The following TNIP1 variants were observed in gnomAD, a reference collection of about 807,000 sequenced individuals.
TNIP1 encodes TNFAIP3-interacting protein 1.
TNIP1 carries 22 observed loss-of-function variants against 86.6 expected under a neutral mutation model. The ratio of observed to expected loss-of-function variants is 0.25; its 90% CI spans 0.18 to 0.36. The LOEUF (loss-of-function observed/expected upper bound fraction) is 0.36, where lower values mean the gene tolerates loss of function less well. Among genes scored for constraint, TNIP1 ranks in the 10% least tolerant of loss-of-function variants. TNIP1 has a pLI of 1.00. For missense variants in TNIP1, 709 were observed against 820.6 expected, an observed-to-expected ratio of 0.86 and a Z score of 1.66; for synonymous variants, 294 against 313.0, an observed-to-expected ratio of 0.94 and a Z score of 0.64.
At chr5:151,038,426 A>AC (rs3840312) in intron 12 of TNIP1, among the ~76,000 whole-genome samples, 48,707 of 152,066 alleles carry the variant, frequency 0.32, 9,360 homozygotes, top group Non-Finnish European at 0.42. Flanking sequence ...AGCCGTTCCC[A>AC]CCAGGGCTCG....
chr5:151,079,277 C>A (rs1410476786), intron 1 of TNIP1, among the ~76,000 whole-genome samples: 1 of 152,144 alleles, frequency 6.6e-6, no homozygotes, highest in East Asian at 1.9e-4. Flanking sequence ...TTGGGAAAGC[C>A]TTAACCTTCT....
upstream of TNIP1, among the ~76,000 whole-genome samples, chr5:151,082,355 T>G (rs1265774588): frequency 6.6e-6 from 1 of 152,164 alleles, no homozygotes; most frequent in Non-Finnish European, 1.5e-5. Context: ...GAGGAAGCGA[T>G]GCAAACTCCA....
chr5:151,087,484 A>G (rs533561502), upstream of TNIP1: 1 of 152,276 alleles, frequency 6.6e-6, no homozygotes, highest in Non-Finnish European at 1.5e-5. Context: ...ATTGTCCTGA[A>G]GACCTCCATT....
At chr5:151,052,925 C>G (rs896393519) in intron 6 of TNIP1, among the ~76,000 whole-genome samples, 1 of 151,948 alleles carries the variant, frequency 6.6e-6, no homozygotes, top group Non-Finnish European at 1.5e-5. Context: ...AATGAGCAGG[C>G]GAGTCCTAGG....
At chr5:151,068,969 CGGGGCCTCCACAGCCTGCCCCAGAG>C in intron 1 of TNIP1, among the ~76,000 whole-genome samples, 1 of 152,238 alleles carries the variant, frequency 6.6e-6, no homozygotes, top group Non-Finnish European at 1.5e-5. Context: ...CCTCAGCCAG[CGGGGCCTCCACAGCCTGCCCCAGAG>C]GGGCCCTGGG....
intron 5 of TNIP1, among the ~76,000 whole-genome samples, chr5:151,058,232 C>T (rs758127861): frequency 2.0e-5 from 3 of 152,186 alleles, no homozygotes; most frequent in Non-Finnish European, 2.9e-5. Flanking sequence ...ACACATGTGT[C>T]TTCTGGGGAA....
chr5:151,059,088 G>A (rs949221330), intron 5 of TNIP1, among the ~76,000 whole-genome samples: 4 of 152,222 alleles, frequency 2.6e-5, no homozygotes, highest in Non-Finnish European at 5.9e-5. Context: ...TCCCATGCCT[G>A]CGACTTCTCC....
chr5:151,060,309 T>C lies in TNIP1; in HGVS notation c.435+9A>G, dbSNP rs1561515192. 6.2e-7 allele frequency: 1 copy of C among 1,613,944 alleles called. No homozygotes were observed. The highest frequency in any genetic ancestry group is 1.3e-5 in the African/African-American group (1 of 75,026). On this transcript the variant is annotated intron_variant, in intron 5 of 17. Coordinates refer to ENST00000521591, the MANE Select transcript of TNIP1 (RefSeq NM_006058.5). ...CAGGTCAAGCCCGGGGTCCTGCCCG[T>C]CCACTCACCATCGCATTGGCATGGC...
upstream of TNIP1, among the ~76,000 whole-genome samples, chr5:151,083,725 T>G (rs1764169034): frequency 6.6e-6 from 1 of 152,204 alleles, no homozygotes; most frequent in African/African-American, 2.4e-5. Flanking sequence ...CCACCACCCC[T>G]ACTGAGGTAG....
intron 5 of TNIP1, among the ~76,000 whole-genome samples, chr5:151,059,834 T>A (rs1448494945): frequency 0.024 from 1,835 of 76,964 alleles, 13 homozygotes; most frequent in African/African-American, 0.074. Flanking sequence ...AGAGAGTGTG[T>A]GTGTGTGTGT....
At chr5:151,076,769 G>A (rs112863357) in intron 1 of TNIP1, among the ~76,000 whole-genome samples, 44 of 152,316 alleles carry the variant, frequency 2.9e-4, no homozygotes, top group African/African-American at 1.0e-3. Context: ...GAATAACACT[G>A]GAAGGGGCTG....
Position 151,063,601 on chromosome 5 carries a change from C to T in TNIP1, c.271+12G>A, listed in dbSNP as rs774784061. 6.2e-7 allele frequency: 1 copy of T among 1,613,168 alleles called. No homozygotes were observed. Among genetic ancestry groups the T allele is most frequent in the African/African-American group, 1.3e-5 (1 of 74,982 alleles). On this transcript the variant is annotated intron_variant, in intron 3 of 17. Transcript: ENST00000521591. ...ACAGGGAGAGTCAGAGGTACCCAGA[C>T]TCCTCTTATACCTGTGAGCTCAGCC...
Position 151,038,125 on chromosome 5 carries a change from G to A in TNIP1, c.1263+972C>T, listed in dbSNP as rs550669107. 7.2e-5 allele frequency among the ~76,000 whole-genome samples: 11 copies of A among 152,238 alleles called. 1 individual carries two copies. Among genetic ancestry groups the A allele is most frequent in the African/African-American group, 2.2e-4 (9 of 41,540 alleles). ...AGTCCCCCAGCTCAGGACAGATCGC[G>A]TTTCTTTCTCTGGAAACAGGTCAAG... is the stretch of plus-strand genomic sequence containing the variant. On this transcript the variant is annotated intron_variant, in intron 12 of 17. Transcript: ENST00000521591.
intron 1 of TNIP1, among the ~76,000 whole-genome samples, chr5:151,071,645 G>A (rs905327226): frequency 1.3e-5 from 2 of 152,026 alleles, no homozygotes; most frequent in African/African-American, 4.8e-5. Flanking sequence ...CTCCCCGAGG[G>A]CAGTCAGAGA....
Position 151,042,433 on chromosome 5 carries a change from C to T in TNIP1, c.1134+107G>A, listed in dbSNP as rs1444576777. The T allele has an allele frequency of 2.0e-6, 3 of 1,485,360 alleles. No homozygotes were observed. The African/African-American group carries it at 4.2e-5, about 21-fold the overall frequency. 92.0% of individuals were successfully genotyped at this position (1,485,360 alleles called of 1,614,324 possible). A position where few individuals can be genotyped will look rare whatever the true frequency, so the allele number is the denominator to read the frequency against. On this transcript the variant is annotated intron_variant, in intron 11 of 17. Transcript: ENST00000521591. ...TTTTTGGTCACCTAGCTCTTTCGCA[C>T]TAGACCCCCGGGTCTCCTGACTCCT...
intron 6 of TNIP1, among the ~76,000 whole-genome samples, chr5:151,054,258 G>T (rs1760357374): frequency 6.6e-6 from 1 of 152,228 alleles, no homozygotes; most frequent in Non-Finnish European, 1.5e-5. Flanking sequence ...GAAAACTTTT[G>T]TTGTGTAACC....
At chr5:151,057,414 C>A (rs1028904651) in intron 5 of TNIP1, among the ~76,000 whole-genome samples, 3 of 152,140 alleles carry the variant, frequency 2.0e-5, no homozygotes, top group Non-Finnish European at 4.4e-5. Flanking sequence ...CAACCAACTG[C>A]AGATCAAAAA....
intron 12 of TNIP1, among the ~76,000 whole-genome samples, chr5:151,038,199 A>G (rs1472277269): frequency 6.6e-6 from 1 of 152,218 alleles, no homozygotes; most frequent in Non-Finnish European, 1.5e-5. Flanking sequence ...AAAACCAAAA[A>G]GAAAGGGTTT....
At chr5:151,034,919 G>A in intron 15 of TNIP1, 83 bp downstream of exon 15, 1 of 1,505,238 alleles carries the variant, frequency 6.6e-7, no homozygotes, top group East Asian at 2.3e-5. Flanking sequence ...CCACGCCCGA[G>A]CACACACTGT....
Sources: allele counts gnomAD v4.1 joint callset (sites outside exome capture counted in the v4.1 genomes callset), GRCh38; gene constraint gnomAD v4.1.1; transcripts MANE v1.5; gene names NCBI Gene and HGNC (gene_info 2026-07-23, HGNC 2026-07-21).